Variants in ZNF233 observed in about 807,000 individuals in gnomAD.
ZNF233 encodes zinc finger protein 233.
ZNF233 carries 7 observed loss-of-function variants against 11.6 expected under a neutral mutation model. The observed-to-expected ratio is 0.60, with a 90% CI of 0.34 to 1.13. The LOEUF is 1.13. Among genes scored for constraint, ZNF233 ranks in the 50% most tolerant of loss-of-function variants. ZNF233 has a pLI of 0.03. For missense variants in ZNF233, 711 were observed against 785.5 expected (o/e 0.91, Z 1.13); for synonymous variants, 226 against 268.5 (o/e 0.84, Z 1.55).
At chr19:44,264,125 A>G (rs1279796201) in intron 1 of ZNF233, among the ~76,000 whole-genome samples, 189 bp from the exon 2 acceptor site, 1 of 152,096 alleles carries the variant, frequency 6.6e-6, no homozygotes, top group African/African-American at 2.4e-5. Flanking sequence ...ATTTTTTTGT[A>G]GAGATGGGGT....
Position 44,273,144 on chromosome 19 carries a change from C to G in ZNF233, c.484C>G (p.Gln162Glu). 7.4e-6 allele frequency: 12 copies of G among 1,613,948 alleles called. No individual in the cohort carries two copies. The highest frequency in any genetic ancestry group is 1.0e-5 in the Non-Finnish European group (12 of 1,180,020). The change falls in exon 5 of 5, where the codon CAA becomes GAA. Residue 162 changes from glutamine to glutamate, a missense_variant. Gln to Glu is a conservative substitution (Grantham distance 29, BLOSUM62 2). Coordinates refer to ENST00000683810, the MANE Select transcript of ZNF233 (RefSeq NM_001207005.2). ...SEDENYVIKL[Q>E]GESSNSIKNQ... Reference sequence around the variant, plus strand: ...AGATGAGAACTATGTAATAAAGCTACAAGGGGAGAGTTCAAATAGCATAAA... The same window carrying G: ...AGATGAGAACTATGTAATAAAGCTAGAAGGGGAGAGTTCAAATAGCATAAA...
In ZNF233 at chr19:44,274,609, G is replaced by A; in HGVS notation, c.1949G>A (p.Cys650Tyr). 1.2e-6 allele frequency: 2 copies of A among 1,611,568 alleles called. No individual in the cohort carries two copies. The highest frequency in any genetic ancestry group is 8.5e-7 in the Non-Finnish European group (1 of 1,179,568). Residue 650 changes from cysteine (C) to tyrosine (Y), a missense_variant, in exon 5 of 5, where the codon TGT becomes TAT. Physicochemically the swap from Cys to Tyr is radical, Grantham distance 194. Coordinates refer to ENST00000683810, the MANE Select transcript of ZNF233 (RefSeq NM_001207005.2). Reference sequence around the variant, plus strand: ...CATACTGGAGAGAAACCATACAAATGTTTTGTGTGTGGTAAGGGCTTTAGT... The same window carrying A: ...CATACTGGAGAGAAACCATACAAATATTTTGTGTGTGGTAAGGGCTTTAGT... ...RVHTGEKPYK[C>Y]FVCGKGFSKS...
chr19:44,267,621 A>G (rs1373913352), intron 4 of ZNF233: 7 of 385,154 alleles, frequency 1.8e-5, no homozygotes, highest in African/African-American at 6.2e-5. Context: ...AGCTCAAGCA[A>G]TCCTCCCACT....
chr19:44,272,109 T>TC (rs1975251123), intron 4 of ZNF233, among the ~76,000 whole-genome samples: 1 of 151,032 alleles, frequency 6.6e-6, no homozygotes, highest in African/African-American at 2.4e-5. Context: ...GCACTTGTAG[T>TC]CCCAGCTCCT....
chr19:44,267,535 T>C (rs1351905658), intron 4 of ZNF233: 5 of 389,024 alleles, frequency 1.3e-5, no homozygotes, highest in South Asian at 1.6e-4. Context: ...TTTAAAACTA[T>C]GTATATATAC....
intron 4 of ZNF233, among the ~76,000 whole-genome samples, chr19:44,272,528 A>T (rs1975263725): frequency 6.6e-6 from 1 of 151,816 alleles, no homozygotes. Context: ...AGGTCAGGAG[A>T]TCGAGACCAT....
chr19:44,263,943 C>T (rs546218420), intron 1 of ZNF233, among the ~76,000 whole-genome samples: 1 of 152,296 alleles, frequency 6.6e-6, no homozygotes, highest in South Asian at 2.1e-4. Context: ...TTCTCATTTG[C>T]AGGTGACAAA....
At chr19:44,272,638 G>A (rs1975267739) in intron 4 of ZNF233, among the ~76,000 whole-genome samples, 1 of 152,140 alleles carries the variant, frequency 6.6e-6, no homozygotes, top group Non-Finnish European at 1.5e-5. Context: ...GGGAGGCCGA[G>A]GCAGGAGAAT....
chr19:44,266,955 T>C lies in ZNF233; in HGVS notation c.232T>C (p.Cys78Arg), dbSNP rs778498187. 1 of 1,613,206 alleles carries C rather than the reference T, an allele frequency of 6.2e-7. No individual in the cohort carries two copies. The highest frequency in any genetic ancestry group is 8.5e-7 in the Non-Finnish European group (1 of 1,179,328). ...GGAGACAGAAATCCAAGGAGATGGG[T>C]GTTCAGGTGAGAACCATGGAGCTCT... Reference protein sequence around the residue: ...MMETEIQGDGCSGHKNQNEID... With the variant: ...MMETEIQGDGRSGHKNQNEID... Residue 78 changes from cysteine (C) to arginine (R), a missense_variant, in exon 4 of 5, where the codon TGT (cysteine) becomes CGT (arginine). Coordinates refer to ENST00000683810, the MANE Select transcript of ZNF233 (RefSeq NM_001207005.2).
Position 44,266,186 on chromosome 19 carries a change from T to G in ZNF233, c.16-12T>G, listed in dbSNP as rs755319607. ...GCCATAAGATTGAGATTACATCTGC[T>G]TGATGTTGTAGGAGATGGTGACATT... On this transcript the variant is annotated splice_polypyrimidine_tract_variant and intron_variant, in intron 2 of 4. Transcript: ENST00000683810. 3 of 1,603,340 alleles carry G rather than the reference T, an allele frequency of 1.9e-6. No homozygotes were observed. The East Asian group carries it at 6.8e-5, about 36-fold the overall frequency.
intron 1 of ZNF233, among the ~76,000 whole-genome samples, chr19:44,260,943 G>A (rs1457449167): frequency 6.6e-6 from 1 of 152,108 alleles, no homozygotes; most frequent in East Asian, 1.9e-4. Context: ...TCTTCTATAG[G>A]CTTTATATGC....
At chr19:44,271,654 C>T (rs941517470) in intron 4 of ZNF233, among the ~76,000 whole-genome samples, 1 of 151,994 alleles carries the variant, frequency 6.6e-6, no homozygotes, top group Middle Eastern at 3.4e-3. Context: ...GGACTACAGG[C>T]GCCTGCCCCC....
chr19:44,271,237 G>C (rs1206801731), intron 4 of ZNF233, among the ~76,000 whole-genome samples: 3 of 152,138 alleles, frequency 2.0e-5, no homozygotes, highest in South Asian at 2.1e-4. Flanking sequence ...GGAAATAATG[G>C]TACTATCTTA....
At chr19:44,268,713 T>C (rs1975160039) in intron 4 of ZNF233, among the ~76,000 whole-genome samples, 2 of 152,204 alleles carry the variant, frequency 1.3e-5, no homozygotes, top group Non-Finnish European at 2.9e-5. Context: ...AGACTTTTGG[T>C]GAGAGTTGCC....
chr19:44,267,532 C>G (rs1293172942), intron 4 of ZNF233: 1 of 387,958 alleles, frequency 2.6e-6, no homozygotes, highest in Non-Finnish European at 4.5e-6. Context: ...AATTTTAAAA[C>G]TATGTATATA....
At position 44,273,259 on chromosome 19, in the gene ZNF233, A is replaced by C. The variant is rs770079153; in HGVS notation, c.599A>C (p.Gln200Pro). ...EPQNYQSRCQ[Q>P]IDVKNKLCKC... ...CAGAATTATCAGAGTAGGTGTCAGC[A>C]AATTGATGTAAAAAATAAGCTCTGT... Residue 200 changes from glutamine to proline, a missense_variant, in exon 5 of 5, where the codon CAA (glutamine) becomes CCA (proline). Coordinates refer to ENST00000683810, the MANE Select transcript of ZNF233 (RefSeq NM_001207005.2). The C allele has an allele frequency of 6.2e-7, 1 of 1,613,984 alleles. No homozygotes were observed. Among genetic ancestry groups the C allele is most frequent in the Non-Finnish European group, 8.5e-7 (1 of 1,180,032 alleles).
At chr19:44,267,550 T>A in intron 4 of ZNF233, 2 of 373,648 alleles carry the variant, frequency 5.4e-6, no homozygotes, top group Non-Finnish European at 4.7e-6. Flanking sequence ...ATATACATGT[T>A]TTTTTTTTTT....
At position 44,274,161 on chromosome 19, in the gene ZNF233, G is replaced by C. The variant is rs1437324291; in HGVS notation, c.1501G>C (p.Val501Leu). 6.2e-7 allele frequency: 1 copy of C among 1,613,828 alleles called. No individual in the cohort carries two copies. The highest frequency in any genetic ancestry group is 1.7e-5 in the Admixed American group (1 of 59,982). The change falls in exon 5 of 5, where the codon GTC becomes CTC. Residue 501 changes from valine (V) to leucine (L), a missense_variant. Transcript: ENST00000683810. ...TTCCCACCTTCAGGCCCATCAGAGA[G>C]TCCATACAGGAGAGAAACCCTACAA... ...RNSHLQAHQR[V>L]HTGEKPYKCD...
chr19:44,266,962 G>C lies in ZNF233; in HGVS notation c.238+1G>C. Reference sequence around the variant, plus strand: ...GAAATCCAAGGAGATGGGTGTTCAGGTGAGAACCATGGAGCTCTGAGTCTT... The same window carrying C: ...GAAATCCAAGGAGATGGGTGTTCAGCTGAGAACCATGGAGCTCTGAGTCTT... On this transcript the variant is annotated splice_donor_variant, in intron 4 of 4. Transcript: ENST00000683810. LOFTEE classifies it high-confidence loss of function. The C allele has an allele frequency of 6.2e-7, 1 of 1,612,192 alleles. No homozygotes were observed. Among genetic ancestry groups the C allele is most frequent in the Non-Finnish European group, 8.5e-7 (1 of 1,178,562 alleles).
Sources: gnomAD v4.1 joint callset for allele counts (sites outside exome capture counted in the v4.1 genomes callset) on GRCh38, gnomAD v4.1.1 for gene constraint, MANE v1.5 for transcripts, NCBI Gene and HGNC (gene_info 2026-07-23, HGNC 2026-07-21) for gene names.